Variants in MEIG1 observed in about 807,000 individuals in gnomAD.
MEIG1 encodes the protein meiosis/spermiogenesis associated 1, also known as meiosis expressed gene 1 protein homolog.
MEIG1 carries 12 observed loss-of-function variants against 11.3 expected under a neutral mutation model. The observed-to-expected ratio is 1.07, with a 90% CI of 0.68 to 1.73. The LOEUF is 1.73. Ranked by LOEUF, MEIG1 falls within the 40% of genes most tolerant of loss-of-function variation. The probability of loss-of-function intolerance (pLI) is 0.00; values close to 1 mark genes in which losing one functional copy is unlikely to be tolerated. For synonymous variants in MEIG1, 41 were observed against 33.2 expected, an observed-to-expected ratio of 1.24 and a Z score of -0.81; for missense variants, 119 against 104.9, an observed-to-expected ratio of 1.13 and a Z score of -0.59.
chr10:14,956,854 A>C (rs1252849826), upstream of MEIG1, among the ~76,000 whole-genome samples: 1 of 152,208 alleles, frequency 6.6e-6, no homozygotes, highest in East Asian at 1.9e-4. Context: ...ACTTGAGGCC[A>C]GGAGTTAAAG....
chr10:14,977,569 T>C (rs1020872834), downstream of MEIG1, among the ~76,000 whole-genome samples: 17 of 151,896 alleles, frequency 1.1e-4, no homozygotes, highest in African/African-American at 2.2e-4. Flanking sequence ...ACTTTAAATA[T>C]CCCAGTGGGT....
At position 14,966,066 on chromosome 10, in the gene MEIG1, C is replaced by CTTTTTCT. The variant is rs567101439; in HGVS notation, c.-29-369_-29-368insCTTTTTT. 6.7e-5 allele frequency among the ~76,000 whole-genome samples: 8 copies of CTTTTTCT among 118,706 alleles called. 1 individual carries two copies. Among genetic ancestry groups the CTTTTTCT allele is most frequent in the African/African-American group, 2.6e-4 (8 of 31,228 alleles). 77.9% of individuals were successfully genotyped at this position (118,706 alleles called of 152,430 possible). ...TTTTTAAGTGTTAGTTTTATTTATT[C>CTTTTTCT]TTTTTTTTTTTTTTTGAGATGGAGT... On this transcript the variant is annotated intron_variant, in intron 1 of 2. Transcript: ENST00000407572.
At chr10:14,978,012 T>C (rs1271248954) in intron 1 of MEIG1, among the ~76,000 whole-genome samples, 1 of 151,970 alleles carries the variant, frequency 6.6e-6, no homozygotes, top group Non-Finnish European at 1.5e-5. Flanking sequence ...CACCCTGTTC[T>C]ATTATTGTAA....
At chr10:14,977,747 T>C (rs1170593472), downstream of MEIG1, among the ~76,000 whole-genome samples, 1 of 152,026 alleles carries the variant, frequency 6.6e-6, no homozygotes, top group African/African-American at 2.4e-5. Context: ...CACCCTGTGA[T>C]ATTTTTCATA....
At chr10:14,975,086 C>A (rs1291146064), downstream of MEIG1, among the ~76,000 whole-genome samples, 1 of 151,964 alleles carries the variant, frequency 6.6e-6, no homozygotes, top group Non-Finnish European at 1.5e-5. Flanking sequence ...TGGCGTATGA[C>A]GTTACTCCCA....
intron 1 of MEIG1, among the ~76,000 whole-genome samples, chr10:14,982,306 C>T (rs116211135): frequency 1.1e-4 from 17 of 152,264 alleles, no homozygotes; most frequent in African/African-American, 4.1e-4. Context: ...GTGGGTCCAA[C>T]TGGTGGTCGG....
intron 1 of MEIG1, among the ~76,000 whole-genome samples, chr10:14,985,554 T>A (rs1471631669): frequency 6.6e-6 from 1 of 151,884 alleles, no homozygotes; most frequent in East Asian, 1.9e-4. Flanking sequence ...ATTCCTAATA[T>A]CCTAGGGGCA....
At chr10:14,969,034 C>T (rs981698849) in intron 2 of MEIG1, among the ~76,000 whole-genome samples, 1 of 152,066 alleles carries the variant, frequency 6.6e-6, no homozygotes. Context: ...GCCGAGATCA[C>T]GCCATTGCAC....
At chr10:14,978,829 A>G (rs757780121) in intron 1 of MEIG1, among the ~76,000 whole-genome samples, 15 of 151,880 alleles carry the variant, frequency 9.9e-5, no homozygotes, top group Non-Finnish European at 1.6e-4. Context: ...TTTTGAAATT[A>G]TTCATCACAG....
intron 2 of MEIG1, chr10:14,970,174 G>A (rs1289684085): frequency 6.6e-6 from 1 of 152,190 alleles, no homozygotes; most frequent in African/African-American, 2.4e-5. Context: ...TTACCTGGTG[G>A]TATAGTGCTT....
chr10:14,973,879 C>T (rs944952189), downstream of MEIG1, among the ~76,000 whole-genome samples: 17 of 151,638 alleles, frequency 1.1e-4, no homozygotes, highest in East Asian at 7.7e-4. Flanking sequence ...GAGCTAACAA[C>T]TTAGGATTGC....
rs755155615 is a variant in MEIG1 at position 14,980,363 on chromosome 10, A to C, written n.67-6433A>C. Among the ~76,000 whole-genome samples the C allele has an allele frequency of 2.6e-5, 4 of 152,148 alleles. No homozygotes were observed. The Middle Eastern group carries it at 0.014, about 518-fold the overall frequency. On this transcript the variant is annotated intron_variant and non_coding_transcript_variant, in intron 1 of 2. Transcript: ENST00000467536. The stretch of plus-strand genomic sequence containing the variant: ...CTTCTAATATCACAGAGAGTGTACA[A>C]TCTGTGAGGTTATTCATAATCGTTT...
In MEIG1 at chr10:14,984,358, G is replaced by C. The variant is rs181017869; in HGVS notation, n.67-2438G>C. Among the ~76,000 whole-genome samples, 394 of 152,146 alleles carry C rather than the reference G, an allele frequency of 2.6e-3. 7 individuals are homozygous for C. Among genetic ancestry groups the C allele is most frequent in the Non-Finnish European group, 3.1e-3 (213 of 67,978 alleles). On this transcript the variant is annotated intron_variant and non_coding_transcript_variant, in intron 1 of 2. Coordinates refer to the MEIG1 transcript ENST00000467536. ...ATTTTCCATTTTCTAGCAACATGCC[G>C]CTACTGAAGTCACCGGGGTATACAC...
chr10:14,970,491 C>T (rs1397321780), intron 2 of MEIG1: 1 of 152,226 alleles, frequency 6.6e-6, no homozygotes, highest in African/African-American at 2.4e-5. Flanking sequence ...CTCCTGGCCC[C>T]AGGAGGGAAG....
chr10:14,985,326 G>A (rs564574436), intron 1 of MEIG1, among the ~76,000 whole-genome samples: 1 of 151,994 alleles, frequency 6.6e-6, no homozygotes, highest in Admixed American at 6.5e-5. Flanking sequence ...CACAATGCCT[G>A]TACACCCTGT....
upstream of MEIG1, among the ~76,000 whole-genome samples, chr10:14,955,621 C>A (rs1325944037): frequency 2.0e-5 from 3 of 152,174 alleles, no homozygotes. Flanking sequence ...TCACTTGAAC[C>A]TGGGAGGCGG....
At chr10:14,976,726 A>G (rs565042190), downstream of MEIG1, among the ~76,000 whole-genome samples, 18 of 150,648 alleles carry the variant, frequency 1.2e-4, no homozygotes, top group Admixed American at 2.0e-4. Flanking sequence ...GTGATGTTCC[A>G]TGTAATATTC....
intron 1 of MEIG1, among the ~76,000 whole-genome samples, chr10:14,965,413 T>G (rs1039572909): frequency 2.0e-5 from 3 of 152,202 alleles, no homozygotes; most frequent in African/African-American, 7.2e-5. Flanking sequence ...TATTAGACTT[T>G]CCAAGACTAT....
intron 1 of MEIG1, among the ~76,000 whole-genome samples, chr10:14,960,984 A>G (rs4558066): frequency 0.56 from 85,090 of 151,994 alleles, 23,904 homozygotes; most frequent in South Asian, 0.63. Context: ...AGACAAGATC[A>G]CGCCATGGCG....
Sources: allele counts gnomAD v4.1 joint callset (sites outside exome capture counted in the v4.1 genomes callset), GRCh38; gene constraint gnomAD v4.1.1; transcripts MANE v1.5; gene names NCBI Gene and HGNC (gene_info 2026-07-23, HGNC 2026-07-21).